The following DGKB variants were observed in gnomAD, a reference collection of about 807,000 sequenced individuals.
DGKB encodes 90 kDa diacylglycerol kinase.
A neutral mutation model predicts 114.3 loss-of-function variants in DGKB; 67 were observed. That is an observed-to-expected ratio of 0.59 (90% CI 0.48 to 0.72). The LOEUF is 0.72. Ranked by LOEUF, DGKB falls within the 30% of genes least tolerant of loss-of-function variation. The pLI is 0.00. For missense variants in DGKB, 907 were observed against 975.2 expected, an observed-to-expected ratio of 0.93 and a Z score of 0.93; for synonymous variants, 398 against 323.1, an observed-to-expected ratio of 1.23 and a Z score of -2.49.
chr7:14,885,119 C>A (rs1264094404), intron 1 of DGKB, among the ~76,000 whole-genome samples: 1 of 151,790 alleles, frequency 6.6e-6, no homozygotes, highest in Non-Finnish European at 1.5e-5. Context: ...AACATCTGAG[C>A]GAGGTAACTT....
chr7:14,939,126 G>C (rs962724931), intron 1 of DGKB, among the ~76,000 whole-genome samples: 2 of 151,816 alleles, frequency 1.3e-5, no homozygotes, highest in Non-Finnish European at 1.5e-5. Context: ...TACCTGTGGT[G>C]CCTCTGCCTA....
intron 20 of DGKB, among the ~76,000 whole-genome samples, chr7:14,488,140 G>A (rs1784095971): frequency 6.6e-6 from 1 of 151,882 alleles, no homozygotes; most frequent in Non-Finnish European, 1.5e-5. Flanking sequence ...ATTTCTCTAG[G>A]TTACAAATAT....
intron 8 of DGKB, among the ~76,000 whole-genome samples, chr7:14,694,710 G>C (rs1449462622): frequency 6.9e-6 from 1 of 144,782 alleles, no homozygotes; most frequent in Non-Finnish European, 1.5e-5. Flanking sequence ...TGCACGTAAT[G>C]TCTTAAAATG....
chr7:14,768,085 A>C (rs961088895), intron 2 of DGKB, among the ~76,000 whole-genome samples: 2 of 152,052 alleles, frequency 1.3e-5, no homozygotes, highest in African/African-American at 2.4e-5. Context: ...TCCTGTGAGC[A>C]TATACATTTT....
chr7:14,622,754 C>CT (rs199949397), intron 14 of DGKB, among the ~76,000 whole-genome samples: 3,319 of 151,986 alleles, frequency 0.022, 42 homozygotes, highest in Non-Finnish European at 0.023. Flanking sequence ...AAACTCATCC[C>CT]TTTTTTTTAC....
upstream of DGKB, among the ~76,000 whole-genome samples, chr7:14,906,875 A>G (rs550434464): frequency 6.6e-6 from 1 of 152,364 alleles, no homozygotes; most frequent in East Asian, 1.9e-4. Context: ...TTGGGAAAAG[A>G]AACAGTTCAA....
intron 21 of DGKB, among the ~76,000 whole-genome samples, chr7:14,366,718 A>C (rs1583438083): frequency 6.6e-6 from 1 of 152,190 alleles, no homozygotes; most frequent in Non-Finnish European, 1.5e-5. Context: ...ATGGCATCTA[A>C]TATTATAATT....
At chr7:14,559,972 C>T (rs1796417636) in intron 20 of DGKB, among the ~76,000 whole-genome samples, 1 of 151,264 alleles carries the variant, frequency 6.6e-6, no homozygotes, top group Non-Finnish European at 1.5e-5. Context: ...TTTCTCCCTC[C>T]CTTCCTTTTT....
chr7:14,281,692 T>G (rs1186601093), intron 23 of DGKB, among the ~76,000 whole-genome samples: 1 of 151,758 alleles, frequency 6.6e-6, no homozygotes, highest in Non-Finnish European at 1.5e-5. Flanking sequence ...AAACTAGAAC[T>G]CAGGATTAAG....
chr7:14,368,586 T>A (rs558927432), intron 21 of DGKB, among the ~76,000 whole-genome samples: 1 of 151,696 alleles, frequency 6.6e-6, no homozygotes, highest in Non-Finnish European at 1.5e-5. Flanking sequence ...TGTGTGTGTG[T>A]GTGTGTGTGT....
At chr7:14,285,971 A>G (rs1428766852) in intron 23 of DGKB, among the ~76,000 whole-genome samples, 5 of 152,158 alleles carry the variant, frequency 3.3e-5, no homozygotes, top group Middle Eastern at 3.2e-3. Context: ...GTATGCATCA[A>G]TAGATCAGTA....
At chr7:14,223,852 G>T (rs996908137) in intron 23 of DGKB, among the ~76,000 whole-genome samples, 1 of 151,484 alleles carries the variant, frequency 6.6e-6, no homozygotes, top group African/African-American at 2.4e-5. Context: ...GTTTTAGGTG[G>T]GAAGCCATCT....
chr7:14,411,845 A>G (rs1438603574), intron 21 of DGKB, among the ~76,000 whole-genome samples: 2 of 152,220 alleles, frequency 1.3e-5, no homozygotes, highest in Non-Finnish European at 2.9e-5. Context: ...CATCTCTAAC[A>G]GTAAAATATA....
Position 14,852,487 on chromosome 7 carries a change from C to CAAAAAAAAAAAACCAAAA in DGKB, c.-187-11038_-187-11037insTTTTGGTTTTTTTTTTTT. On this transcript the variant is annotated intron_variant, in intron 1 of 25. Coordinates refer to ENST00000402815, the MANE Select transcript of DGKB (RefSeq NM_001350709.2). ...GAGGAATAGCTAAAATAGTGAAAGT[C>CAAAAAAAAAAAACCAAAA]AAAAAAAAAACAGAAATCAAGCATA... is the stretch of plus-strand genomic sequence containing the variant. 3.6e-4 allele frequency among the ~76,000 whole-genome samples: 23 copies of CAAAAAAAAAAAACCAAAA among 63,616 alleles called. 1 individual carries two copies. The highest frequency in any genetic ancestry group is 1.5e-3 in the African/African-American group (22 of 14,834). 41.7% of individuals were successfully genotyped at this position (63,616 alleles called of 152,430 possible).
intron 20 of DGKB, among the ~76,000 whole-genome samples, chr7:14,517,819 T>TG (rs1219911906): frequency 6.6e-6 from 1 of 152,082 alleles, no homozygotes; most frequent in African/African-American, 2.4e-5. Context: ...TAACAGATGC[T>TG]GGCGAGGTTG....
chr7:14,929,438 G>T (rs867871728), intron 1 of DGKB, among the ~76,000 whole-genome samples: 6 of 151,628 alleles, frequency 4.0e-5, no homozygotes, highest in Admixed American at 6.6e-5. Flanking sequence ...ATCGGAGTAA[G>T]GTTGTGGTTT....
At chr7:14,684,355 A>G (rs997177114) in intron 10 of DGKB, among the ~76,000 whole-genome samples, 1 of 152,132 alleles carries the variant, frequency 6.6e-6, no homozygotes, top group African/African-American at 2.4e-5. Flanking sequence ...ATGCACAACA[A>G]TGGAATGTAT....
chr7:14,747,802 A>C (rs1833569923), intron 4 of DGKB, among the ~76,000 whole-genome samples: 2 of 100,264 alleles, frequency 2.0e-5, no homozygotes, highest in African/African-American at 1.2e-4. Context: ...CACACACACA[A>C]ATGTTCAAAA....
intron 1 of DGKB, among the ~76,000 whole-genome samples, chr7:14,845,002 G>A (rs1412431501): frequency 7.3e-5 from 11 of 151,250 alleles, no homozygotes; most frequent in Non-Finnish European, 2.9e-5. Flanking sequence ...AGCTACTCAG[G>A]AGGCTGAGGT....
Sources: allele counts gnomAD v4.1 joint callset (sites outside exome capture counted in the v4.1 genomes callset), GRCh38; gene constraint gnomAD v4.1.1; transcripts MANE v1.5; gene names NCBI Gene and HGNC (gene_info 2026-07-23, HGNC 2026-07-21).